HDGFL2: variants seen among roughly 807,000 people sequenced by gnomAD.
HDGFL2 encodes the protein HDGF like 2, also known as hepatoma-derived growth factor-related protein 2.
A neutral mutation model predicts 77.1 loss-of-function variants in HDGFL2; 36 were observed. The ratio of observed to expected loss-of-function variants is 0.47; its 90% CI spans 0.36 to 0.62. The LOEUF (loss-of-function observed/expected upper bound fraction) is 0.62, where lower values mean the gene tolerates loss of function less well. Among genes scored for constraint, HDGFL2 ranks in the 20% least tolerant of loss-of-function variants. The pLI is 0.00. For missense variants in HDGFL2, 976 were observed against 973.4 expected (o/e 1.00, Z -0.04); for synonymous variants, 463 against 413.1 (o/e 1.12, Z -1.46).
At chr19:4,474,332 G>A (rs1240760050) in intron 1 of HDGFL2, among the ~76,000 whole-genome samples, 1 of 152,166 alleles carries the variant, frequency 6.6e-6, no homozygotes, top group Admixed American at 6.5e-5. Context: ...TGGGAGAAGC[G>A]GGGCTGTGAG....
chr19:4,501,078 A>G lies in HDGFL2; in HGVS notation c.1790-113A>G, dbSNP rs555196022. Reference sequence around the variant, plus strand: ...GGTGCTGGGGTCCAGGTGGATGGGCATGTGTCACCCACGGCGCTCAGCTTG... The same window carrying G: ...GGTGCTGGGGTCCAGGTGGATGGGCGTGTGTCACCCACGGCGCTCAGCTTG... On this transcript the variant is annotated intron_variant, in intron 14 of 15. Coordinates refer to ENST00000616600, the MANE Select transcript of HDGFL2 (RefSeq NM_001001520.3). 3.0e-5 allele frequency: 39 copies of G among 1,318,910 alleles called. No individual in the cohort carries two copies. In the Admixed American group the frequency reaches 6.5e-4, roughly 22 times the overall value. 81.7% of individuals were successfully genotyped at this position (1,318,910 alleles called of 1,614,324 possible).
At chr19:4,498,144 C>G in intron 11 of HDGFL2, 113 bp downstream of exon 11, 2 of 1,228,390 alleles carry the variant, frequency 1.6e-6, no homozygotes, top group South Asian at 1.4e-5. Flanking sequence ...TCAGCACATC[C>G]TCGGCCGGCC....
At chr19:4,492,180 T>TTG (rs376309281) in intron 6 of HDGFL2, among the ~76,000 whole-genome samples, 1 of 151,740 alleles carries the variant, frequency 6.6e-6, no homozygotes, top group Non-Finnish European at 1.5e-5. Flanking sequence ...TATGAGCGGA[T>TTG]TGTGTGTGTG....
chr19:4,475,287 G>A lies in HDGFL2; in HGVS notation c.85G>A (p.Ala29Thr). 2 of 1,614,020 alleles carry A rather than the reference G, an allele frequency of 1.2e-6. No homozygotes were observed. The highest frequency in any genetic ancestry group is 1.1e-5 in the South Asian group (1 of 91,066). ...PHWPARIDDI[A>T]DGAVKPPPNK... is the part of the protein sequence containing the mutation. ...CCTCTCACTGCAGATCGACGACATC[G>A]CGGATGGCGCCGTGAAGCCCCCACC... Residue 29 changes from alanine (A) to threonine (T), a missense_variant, in exon 2 of 16, where the codon GCG becomes ACG. Ala to Thr is a moderately conservative substitution (Grantham distance 58). Transcript: ENST00000616600.
chr19:4,491,249 A>ACCCCCCCCCCCCCCCCCCCCCCCCCC (rs1975499381), intron 4 of HDGFL2, among the ~76,000 whole-genome samples: 1 of 39,474 alleles, frequency 2.5e-5, no homozygotes, highest in African/African-American at 1.0e-4. Context: ...CACTCCCACC[A>ACCCCCCCCCCCCCCCCCCCCCCCCCC]CCCACCCCCC....
chr19:4,493,163 CTGTGTGTGGTG>C (rs1304366068), intron 6 of HDGFL2, among the ~76,000 whole-genome samples: 1 of 93,362 alleles, frequency 1.1e-5, no homozygotes, highest in African/African-American at 4.5e-5. Context: ...TGTGTGTTGT[CTGTGTGTGGTG>C]TGTGCGTGGT....
At chr19:4,500,895 C>T (rs763550742) in intron 14 of HDGFL2, among the ~76,000 whole-genome samples, 42 of 152,232 alleles carry the variant, frequency 2.8e-4, no homozygotes, top group Non-Finnish European at 5.6e-4. Flanking sequence ...CCCCCGTGCC[C>T]GACCTTGTCT....
At chr19:4,488,564 C>T (rs1183601625) in intron 3 of HDGFL2, 112 bp from the exon 4 acceptor site, 18 of 955,686 alleles carry the variant, frequency 1.9e-5, no homozygotes, top group Non-Finnish European at 2.5e-5. Context: ...GGAGACAACA[C>T]GCCTGACATT....
chr19:4,480,903 C>T (rs1975195605), intron 3 of HDGFL2, among the ~76,000 whole-genome samples: 1 of 151,058 alleles, frequency 6.6e-6, no homozygotes, highest in Non-Finnish European at 1.5e-5. Flanking sequence ...GTTGCCCAGG[C>T]TGGAGTGCAG....
In HDGFL2 at chr19:4,475,289, G is replaced by C; in HGVS notation, c.87G>C (p.Ala29=). 1 of 1,614,052 alleles carries C rather than the reference G, an allele frequency of 6.2e-7. No homozygotes were observed. The highest frequency in any genetic ancestry group is 8.5e-7 in the Non-Finnish European group (1 of 1,179,998). Residue 29 remains alanine (A), a synonymous_variant, in exon 2 of 16, where the codon GCG becomes GCC. Coordinates refer to ENST00000616600, the MANE Select transcript of HDGFL2 (RefSeq NM_001001520.3). The part of the protein sequence containing the change: ...PHWPARIDDI[A]DGAVKPPPNK... ...TCTCACTGCAGATCGACGACATCGC[G>C]GATGGCGCCGTGAAGCCCCCACCCA...
intron 6 of HDGFL2, among the ~76,000 whole-genome samples, chr19:4,493,086 T>TTGTG (rs1555687523): frequency 3.5e-4 from 7 of 20,146 alleles, no homozygotes; most frequent in Non-Finnish European, 5.5e-4. Context: ...TGTGTGTGTG[T>TTGTG]TATCTGTGTG....
At chr19:4,500,124 G>T (rs1376993921) in intron 14 of HDGFL2, among the ~76,000 whole-genome samples, 1 of 152,200 alleles carries the variant, frequency 6.6e-6, no homozygotes, top group South Asian at 2.1e-4. Context: ...CTGGTGGGCC[G>T]ACAGGAGATG....
chr19:4,491,818 G>T lies in HDGFL2; in HGVS notation c.661G>T (p.Gly221Trp). 1 of 1,613,966 alleles carries T rather than the reference G, an allele frequency of 6.2e-7. No homozygotes were observed. Among genetic ancestry groups the T allele is most frequent in the East Asian group, 2.2e-5 (1 of 44,878 alleles). The change falls in exon 6 of 16, where the codon GGG (glycine) becomes TGG (tryptophan). Residue 221 changes from glycine to tryptophan, a missense_variant. Physicochemically the swap from Gly to Trp is radical, Grantham distance 184. Transcript: ENST00000616600. ...CCGGGCGCCACGGAGGGGCCCTCTGGGGGGACGGAAAAAAAAGGTAGCGTG... is the reference window on the plus strand; with the variant it reads ...CCGGGCGCCACGGAGGGGCCCTCTGTGGGGACGGAAAAAAAAGGTAGCGTG... ...AVRAPRRGPL[G>W]GRKKKKAPSA...
intron 3 of HDGFL2, among the ~76,000 whole-genome samples, chr19:4,484,289 G>A (rs898712169): frequency 1.9e-4 from 29 of 148,854 alleles, no homozygotes; most frequent in African/African-American, 6.7e-4. Flanking sequence ...TGGCCATCTT[G>A]GCCAGGCTGG....
At chr19:4,474,846 G>A (rs958280514) in intron 1 of HDGFL2, 1 of 185,064 alleles carries the variant, frequency 5.4e-6, no homozygotes, top group Non-Finnish European at 1.1e-5. Flanking sequence ...GATGCTCAGG[G>A]CCGTTTCTTG....
chr19:4,479,751 T>C (rs550727808), intron 3 of HDGFL2, among the ~76,000 whole-genome samples: 23 of 146,674 alleles, frequency 1.6e-4, no homozygotes, highest in Admixed American at 1.5e-3. Flanking sequence ...TACAAAAATA[T>C]AAAAATTACC....
Position 4,493,731 on chromosome 19 carries a change from C to G in HDGFL2, c.707C>G (p.Ser236Cys), listed in dbSNP as rs1156570233. 3 of 1,506,392 alleles carry G rather than the reference C, an allele frequency of 2.0e-6. No individual in the cohort carries two copies. In the South Asian group the frequency reaches 3.8e-5, roughly 19 times the overall value. 93.3% of individuals were successfully genotyped at this position (1,506,392 alleles called of 1,614,324 possible). Residue 236 changes from serine (S) to cysteine (C), a missense_variant, in exon 7 of 16, where the codon TCC becomes TGC. By Grantham distance (112) the Ser-to-Cys change is moderately radical. This residue lies in a region of HDGFL2 where 567 missense variants were observed against 534.7 expected (regional missense o/e 1.06). Transcript: ENST00000616600. ...KKAPSASDSD[S>C]KADSDGAKPE... ...GCGCCATCAGCCTCCGACTCCGACT[C>G]CAAGGCCGATTCGGACGGGGCCAAG... is the stretch of plus-strand genomic sequence containing the variant.
rs562867354 is a variant in HDGFL2 at position 4,498,663 on chromosome 19, C to T, written c.1474-151C>T. On this transcript the variant is annotated intron_variant, in intron 12 of 15. Coordinates refer to ENST00000616600, the MANE Select transcript of HDGFL2 (RefSeq NM_001001520.3). Reference sequence around the variant, plus strand: ...GTATCTGGCTATCCCTGGAGTTCCCCGTCAACTGGACGGGGGCTGAGGGGA... The same window carrying T: ...GTATCTGGCTATCCCTGGAGTTCCCTGTCAACTGGACGGGGGCTGAGGGGA... 1.2e-3 allele frequency: 782 copies of T among 629,000 alleles called. 2 individuals carry two copies. The highest frequency in any genetic ancestry group is 2.6e-3 in the Middle Eastern group (6 of 2,346). The allele number at this position is 629,000 out of a possible 1,614,324, so 39.0% of individuals were successfully genotyped here.
intron 13 of HDGFL2, 53 bp downstream of exon 13, chr19:4,498,968 G>A: frequency 7.6e-7 from 1 of 1,323,636 alleles, no homozygotes; most frequent in Non-Finnish European, 1.1e-6. Context: ...CTGGGAGCAA[G>A]TGCCTGCCCG....
Sources: allele counts gnomAD v4.1 joint callset (sites outside exome capture counted in the v4.1 genomes callset), GRCh38; gene constraint gnomAD v4.1.1; regional missense constraint gnomAD v4.1.1; transcripts MANE v1.5; gene names NCBI Gene and HGNC (gene_info 2026-07-23, HGNC 2026-07-21).